The following DSP variants were observed in gnomAD, a reference collection of about 807,000 sequenced individuals.
DSP encodes the protein desmoplakin.
A neutral mutation model predicts 290.6 loss-of-function variants in DSP; 114 were observed. That is an observed-to-expected ratio of 0.39 (90% CI 0.34 to 0.46). DSP has a LOEUF of 0.46. Among genes scored for constraint, DSP ranks in the 20% least tolerant of loss-of-function variants. The pLI, the probability that DSP is intolerant of heterozygous loss-of-function variation, is 0.99. For missense variants in DSP, 3,230 were observed against 3,495.8 expected, an observed-to-expected ratio of 0.92 and a Z score of 1.92; for synonymous variants, 1,311 against 1,316.4, an observed-to-expected ratio of 1.00 and a Z score of 0.09.
Position 7,554,741 on chromosome 6 carries a change from C to A in DSP, c.171-977C>A, listed in dbSNP as rs554476280. Among the ~76,000 whole-genome samples the A allele has an allele frequency of 2.0e-5, 3 of 152,130 alleles. No individual in the cohort carries two copies. The East Asian group carries it at 5.8e-4, about 29-fold the overall frequency. Reference sequence around the variant, plus strand: ...CTCACTGTAGCCTCCAACTCGTGGGCTCAAGTGATCCTCCCACCTCAGCTG... The same window carrying A: ...CTCACTGTAGCCTCCAACTCGTGGGATCAAGTGATCCTCCCACCTCAGCTG... On this transcript the variant is annotated intron_variant, in intron 1 of 23. Transcript: ENST00000379802.
At chr6:7,576,178 T>C in intron 18 of DSP, 116 bp from the exon 19 acceptor site, 1 of 1,183,324 alleles carries the variant, frequency 8.5e-7, no homozygotes, top group Non-Finnish European at 1.2e-6. Flanking sequence ...TAAGTTTTTA[T>C]GTGGGAATAT....
rs397516916 is a variant in DSP at position 7,568,444 on chromosome 6, G to A, written c.1274G>A (p.Arg425Gln). 52 of 1,613,898 alleles carry A rather than the reference G, an allele frequency of 3.2e-5. No homozygotes were observed. The highest frequency in any genetic ancestry group is 1.6e-4 in the Middle Eastern group (1 of 6,084). The change falls in exon 11 of 24, where the codon CGA (arginine) becomes CAA (glutamine). Residue 425 changes from arginine to glutamine, a missense_variant. Arg to Gln is a conservative substitution (Grantham distance 43). Coordinates refer to ENST00000379802, the MANE Select transcript of DSP (RefSeq NM_004415.4). ...TTTTATTCACCATTGCAGAAAGAAC[G>A]AGAGAAAATCCTTGAATACAAGCGT... ...LEQIKELEKE[R>Q]EKILEYKRQV...
intron 1 of DSP, among the ~76,000 whole-genome samples, chr6:7,549,054 A>T (rs1769390699): frequency 6.6e-6 from 1 of 152,226 alleles, no homozygotes; most frequent in South Asian, 2.1e-4. Context: ...TGTGATATGG[A>T]AAACTCCTTG....
chr6:7,581,359 A>G lies in DSP; in HGVS notation c.5169A>G (p.Glu1723=), dbSNP rs1368627358. The change falls in exon 23 of 24, where the codon GAA becomes GAG. Residue 1723 remains glutamate (E), a synonymous_variant. Transcript: ENST00000379802. The part of the protein sequence containing the change: ...LTKEHLMLEE[E]LRNLRLEYDD... Reference sequence around the variant, plus strand: ...AGGAGCACTTGATGTTAGAAGAAGAACTGCGGAACCTGAGGCTGGAGTACG... The same window carrying G: ...AGGAGCACTTGATGTTAGAAGAAGAGCTGCGGAACCTGAGGCTGGAGTACG... 1.9e-6 allele frequency: 3 copies of G among 1,614,218 alleles called. No individual in the cohort carries two copies. The highest frequency in any genetic ancestry group is 1.3e-5 in the African/African-American group (1 of 75,060).
At chr6:7,556,528 G>A (rs1204202504) in intron 2 of DSP, among the ~76,000 whole-genome samples, 3 of 152,188 alleles carry the variant, frequency 2.0e-5, no homozygotes, top group East Asian at 1.9e-4. Context: ...AATCTTTTCA[G>A]CGAAGTCTCC....
chr6:7,557,712 A>G (rs1758541716), intron 2 of DSP, among the ~76,000 whole-genome samples: 1 of 152,132 alleles, frequency 6.6e-6, no homozygotes, highest in Non-Finnish European at 1.5e-5. Context: ...AAAAAGAACT[A>G]AAACATTATG....
At chr6:7,575,521 T>G in intron 18 of DSP, 33 bp downstream of exon 18, 1 of 1,612,972 alleles carries the variant, frequency 6.2e-7, no homozygotes, top group Admixed American at 1.7e-5. Context: ...CTTCCCCATC[T>G]TCTCCCCTTT....
At position 7,580,874 on chromosome 6, in the gene DSP, T is replaced by G; in HGVS notation, c.4684T>G (p.Ser1562Ala). 1 of 1,614,042 alleles carries G rather than the reference T, an allele frequency of 6.2e-7. No individual in the cohort carries two copies. The highest frequency in any genetic ancestry group is 8.5e-7 in the Non-Finnish European group (1 of 1,180,026). The change falls in exon 23 of 24, where the codon TCT (serine) becomes GCT (alanine). Residue 1562 changes from serine to alanine, a missense_variant. Transcript: ENST00000379802. This position sits in a 1 kb window ranked among gnomAD's most constrained non-coding sequence, Gnocchi z 4.2. ...CCAGGATATCACGCGGTTCCAGAAC[T>G]CTCTGAAAGAGCTGCAGCTGCAGAA... is the stretch of plus-strand genomic sequence containing the variant. ...KDQDITRFQN[S>A]LKELQLQKQK...
In DSP at chr6:7,580,822, G is replaced by T. The variant is rs766390243; in HGVS notation, c.4632G>T (p.Arg1544Ser). 3 of 1,614,036 alleles carry T rather than the reference G, an allele frequency of 1.9e-6. No individual in the cohort carries two copies. Among genetic ancestry groups the T allele is most frequent in the Admixed American group, 3.3e-5 (2 of 60,006 alleles). Residue 1544 changes from arginine to serine, a missense_variant, in exon 23 of 24, where the codon AGG (arginine) becomes AGT (serine). By Grantham distance (110) the Arg-to-Ser change is moderately radical. Coordinates refer to ENST00000379802, the MANE Select transcript of DSP (RefSeq NM_004415.4). This position sits in a 1 kb window ranked among gnomAD's most constrained non-coding sequence, Gnocchi z 4.2. ...CACGCCTGAGGATCGACTATGAAAGGGTTTCCCAGGAGAGGACTGTGAAGG... is the reference window on the plus strand; with the variant it reads ...CACGCCTGAGGATCGACTATGAAAGTGTTTCCCAGGAGAGGACTGTGAAGG... ...ELTRLRIDYE[R>S]VSQERTVKDQ... is the part of the protein sequence containing the mutation.
At chr6:7,557,187 G>A (rs1758527927) in intron 2 of DSP, among the ~76,000 whole-genome samples, 3 of 152,150 alleles carry the variant, frequency 2.0e-5, no homozygotes, top group Non-Finnish European at 4.4e-5. Context: ...TTCTGTTTTT[G>A]TTTTTCTGAA....
intron 6 of DSP, 134 bp downstream of exon 6, chr6:7,563,920 C>T (rs1209725922): frequency 3.7e-6 from 3 of 800,440 alleles, no homozygotes; most frequent in Non-Finnish European, 6.5e-6. Context: ...TGCTGAGTTT[C>T]CTTTAGAAGT....
At chr6:7,543,632 G>A (rs1758087745) in intron 1 of DSP, among the ~76,000 whole-genome samples, 2 of 152,066 alleles carry the variant, frequency 1.3e-5, no homozygotes, top group African/African-American at 4.8e-5. Flanking sequence ...AAATGTGTGG[G>A]TTACACACAG....
intron 1 of DSP, among the ~76,000 whole-genome samples, chr6:7,553,970 A>G (rs1167101894): frequency 6.6e-6 from 1 of 152,256 alleles, no homozygotes; most frequent in African/African-American, 2.4e-5. Flanking sequence ...GAGACAGTGC[A>G]GCCAGGTGCT....
chr6:7,583,584 T>G lies in DSP; in HGVS notation c.6322T>G (p.Ser2108Ala). 6.2e-7 allele frequency: 1 copy of G among 1,614,182 alleles called. No homozygotes were observed. Among genetic ancestry groups the G allele is most frequent in the East Asian group, 2.2e-5 (1 of 44,880 alleles). The change falls in exon 24 of 24, where the codon TCA becomes GCA. Residue 2108 changes from serine to alanine, a missense_variant. Physicochemically the swap from Ser to Ala is moderately conservative, Grantham distance 99. This residue lies in a region of DSP where 1,714 missense variants were observed against 1,844.5 expected (regional missense o/e 0.93). Coordinates refer to ENST00000379802, the MANE Select transcript of DSP (RefSeq NM_004415.4). This position sits in a 1 kb window ranked among gnomAD's most constrained non-coding sequence, Gnocchi z 4.0. Reference protein sequence around the residue: ...DPFSGKTVSVSEAIKKNLIDR... With the variant: ...DPFSGKTVSVAEAIKKNLIDR... ...ATTTTCAGGCAAGACAGTATCTGTT[T>G]CAGAAGCCATCAAGAAAAATTTGAT...
intron 19 of DSP, among the ~76,000 whole-genome samples, 196 bp downstream of exon 19, chr6:7,576,652 T>C (rs966507977): frequency 3.3e-5 from 5 of 152,224 alleles, no homozygotes; most frequent in African/African-American, 7.2e-5. Context: ...ATTATGAACA[T>C]AGAAATAACG....
intron 12 of DSP, among the ~76,000 whole-genome samples, 182 bp downstream of exon 12, chr6:7,569,522 A>G (rs1758979105): frequency 6.6e-6 from 1 of 152,246 alleles, no homozygotes; most frequent in East Asian, 1.9e-4. Flanking sequence ...TTGAATAGAC[A>G]GTCGTTATTG....
At chr6:7,577,643 G>A (rs901757987) in intron 20 of DSP, 136 bp from the exon 21 acceptor site, 3 of 786,192 alleles carry the variant, frequency 3.8e-6, no homozygotes, top group Admixed American at 3.6e-5. Context: ...TAGTTGCTTG[G>A]CCACTAGTGG....
At chr6:7,551,291 T>TAA (rs1014684668) in intron 1 of DSP, among the ~76,000 whole-genome samples, 11 of 152,108 alleles carry the variant, frequency 7.2e-5, no homozygotes, top group African/African-American at 2.4e-4. Flanking sequence ...TATATATATA[T>TAA]AATCTGACTT....
At position 7,559,357 on chromosome 6, in the gene DSP, A is replaced by G. The variant is rs760981146; in HGVS notation, c.554A>G (p.Lys185Arg). ...GGCTCTGGCTGGGATGAGTTCACCA[A>G]ACATGTCACCAGTGAATGTTTGGGG... is the stretch of plus-strand genomic sequence containing the variant. ...QSGSGWDEFT[K>R]HVTSECLGWM... The change falls in exon 4 of 24, where the codon AAA becomes AGA. Residue 185 changes from lysine (K) to arginine (R), a missense_variant. Around this residue, in one of 5 missense-constraint regions of DSP, gnomAD observed 646 missense variants for 684.3 expected, o/e 0.94. Coordinates refer to ENST00000379802, the MANE Select transcript of DSP (RefSeq NM_004415.4). 1 of 1,613,410 alleles carries G rather than the reference A, an allele frequency of 6.2e-7. No homozygotes were observed. Among genetic ancestry groups the G allele is most frequent in the Non-Finnish European group, 8.5e-7 (1 of 1,180,038 alleles).
Sources: allele counts gnomAD v4.1 joint callset (sites outside exome capture counted in the v4.1 genomes callset), GRCh38; gene constraint gnomAD v4.1.1; regional missense constraint gnomAD v4.1.1; non-coding constraint Gnocchi (gnomAD v3.1); transcripts MANE v1.5; gene names NCBI Gene and HGNC (gene_info 2026-07-23, HGNC 2026-07-21).